VPS37D: variants seen among roughly 807,000 people sequenced by gnomAD.
VPS37D encodes vacuolar protein sorting-associated protein 37D.
A neutral mutation model predicts 22.0 loss-of-function variants in VPS37D; 5 were observed. The ratio of observed to expected loss-of-function variants is 0.23; its 90% CI spans 0.12 to 0.48. VPS37D has a LOEUF of 0.48. VPS37D is among the 20% of genes least tolerant of loss of function. The pLI is 0.99. For missense variants in VPS37D, 384 were observed against 345.8 expected (o/e 1.11, Z -0.88); for synonymous variants, 174 against 159.3 (o/e 1.09, Z -0.69).
rs1797498853 is a variant in VPS37D at position 73,671,104 on chromosome 7, C to T, written c.484C>T (p.Arg162Trp). Residue 162 changes from arginine to tryptophan, a missense_variant, in exon 4 of 4, where the codon CGG (arginine) becomes TGG (tryptophan). Coordinates refer to ENST00000324941, the MANE Select transcript of VPS37D (RefSeq NM_001077621.2). ...QRGRALAHLR[R>W]TQAEKLQELL... ...TGGCCGCGCCCTGGCCCACCTGAGGCGGACGCAGGCAGAGAAGCTGCAGGA... is the reference window on the plus strand; with the variant it reads ...TGGCCGCGCCCTGGCCCACCTGAGGTGGACGCAGGCAGAGAAGCTGCAGGA... 1.9e-6 allele frequency: 3 copies of T among 1,609,800 alleles called. No homozygotes were observed. The highest frequency in any genetic ancestry group is 1.7e-6 in the Non-Finnish European group (2 of 1,179,508).
Position 73,668,110 on chromosome 7 carries a change from C to T in VPS37D, c.138+14C>T, listed in dbSNP as rs782671800. The T allele has an allele frequency of 3.4e-5, 37 of 1,085,516 alleles. No individual in the cohort carries two copies. Among genetic ancestry groups the T allele is most frequent in the Admixed American group, 5.3e-5 (1 of 18,738 alleles). 67.2% of individuals were successfully genotyped at this position (1,085,516 alleles called of 1,614,324 possible). ...CTCAGCAGGAAGGTAGCGCGGGGGG[C>T]TCGAGCGGGGGGCGCGGGGGACGGG... On this transcript the variant is annotated intron_variant, in intron 1 of 3. Transcript: ENST00000324941.
upstream of VPS37D, among the ~76,000 whole-genome samples, chr7:73,667,544 T>C (rs1361643191): frequency 3.9e-5 from 6 of 152,292 alleles, no homozygotes; most frequent in African/African-American, 1.4e-4. Context: ...AAATTTGTTG[T>C]TGCCATCCGA....
chr7:73,670,040 A>G lies in VPS37D; in HGVS notation c.331A>G (p.Ser111Gly), dbSNP rs1554609441. Residue 111 changes from serine (S) to glycine (G), a missense_variant, in exon 3 of 4, where the codon AGT becomes GGT. Physicochemically the swap from Ser to Gly is moderately conservative, Grantham distance 56. Transcript: ENST00000324941. ...QRLEESMHRW[S>G]PHCALGWLQA... ...CTCAGAGGAAAGCATGCATCGCTGG[A>G]GTCCCCACTGCGCGCTGGGCTGGCT... 5 of 1,548,120 alleles carry G rather than the reference A, an allele frequency of 3.2e-6. No individual in the cohort carries two copies. The highest frequency in any genetic ancestry group is 1.7e-6 in the Non-Finnish European group (2 of 1,144,872).
rs555656981 is a variant in VPS37D at position 73,668,719 on chromosome 7, G to C, written c.138+623G>C. Among the ~76,000 whole-genome samples, 3 of 152,190 alleles carry C rather than the reference G, an allele frequency of 2.0e-5. No homozygotes were observed. The East Asian group carries it at 5.8e-4, about 29-fold the overall frequency. On this transcript the variant is annotated intron_variant, in intron 1 of 3. Coordinates refer to ENST00000324941, the MANE Select transcript of VPS37D (RefSeq NM_001077621.2). Reference sequence around the variant, plus strand: ...CATCCCACAAGGGACAGATGGAGGGGAGTGCGTTCTCCAGGGGCAGGGAGG... The same window carrying C: ...CATCCCACAAGGGACAGATGGAGGGCAGTGCGTTCTCCAGGGGCAGGGAGG...
At chr7:73,670,810 G>GA (rs11414202) in intron 3 of VPS37D, among the ~76,000 whole-genome samples, 38,102 of 142,424 alleles carry the variant, frequency 0.27, 5,559 homozygotes, top group South Asian at 0.37. Context: ...TCTGTCTCAG[G>GA]AAAAAAAAAA....
At chr7:73,666,952 T>G (rs1461997058), upstream of VPS37D, among the ~76,000 whole-genome samples, 4 of 150,244 alleles carry the variant, frequency 2.7e-5, no homozygotes, top group African/African-American at 9.7e-5. Context: ...TTAAATACTT[T>G]TAAAAATTGT....
chr7:73,667,918 G>GGGCCGAGCC lies in VPS37D; in HGVS notation c.-40_-32dup. On this transcript the variant is annotated 5_prime_UTR_variant, in exon 1 of 4. Transcript: ENST00000324941. ...GGAGCCGGGGCGGAGCGGGCCGAGC[G>GGGCCGAGCC]GGCCGAGCCAGCAGCCGAGCTGGGG... 5 of 816,234 alleles carry GGGCCGAGCC rather than the reference G, an allele frequency of 6.1e-6. No individual in the cohort carries two copies. Among genetic ancestry groups the GGGCCGAGCC allele is most frequent in the Non-Finnish European group, 7.5e-6 (5 of 669,440 alleles). The allele number at this position is 816,234 out of a possible 1,614,324, so 50.6% of individuals were successfully genotyped here.
upstream of VPS37D, among the ~76,000 whole-genome samples, chr7:73,666,005 C>T (rs1797365408): frequency 6.6e-6 from 1 of 152,152 alleles, no homozygotes; most frequent in Admixed American, 6.6e-5. Context: ...CACGAACCAC[C>T]ACGGCCGGCT....
At position 73,670,997 on chromosome 7, in the gene VPS37D, C is replaced by T. The variant is rs542179866; in HGVS notation, c.394-17C>T. 2.5e-6 allele frequency: 4 copies of T among 1,609,654 alleles called. No individual in the cohort carries two copies. The highest frequency in any genetic ancestry group is 2.2e-5 in the East Asian group (1 of 44,712). On this transcript the variant is annotated splice_polypyrimidine_tract_variant and intron_variant, in intron 3 of 3. Coordinates refer to ENST00000324941, the MANE Select transcript of VPS37D (RefSeq NM_001077621.2). ...TGGTCGTGCCTCTCCCAAGCCTTCC[C>T]TTCCCTCCCGGCCCAGGAGCAGATG... is the stretch of plus-strand genomic sequence containing the variant.
Position 73,667,984 on chromosome 7 carries a change from C to T in VPS37D, c.26C>T (p.Ala9Val), listed in dbSNP as rs1797419681. The change falls in exon 1 of 4, where the codon GCG becomes GTG. Residue 9 changes from alanine (A) to valine (V), a missense_variant. Physicochemically the swap from Ala to Val is moderately conservative, Grantham distance 64 (BLOSUM62 0). Coordinates refer to ENST00000324941, the MANE Select transcript of VPS37D (RefSeq NM_001077621.2). MYRARAAR[A>V]GPEPGSPGRF... Reference sequence around the variant, plus strand: ...ATGTACCGGGCCCGGGCGGCGCGGGCGGGGCCGGAGCCCGGCAGCCCGGGG... The same window carrying T: ...ATGTACCGGGCCCGGGCGGCGCGGGTGGGGCCGGAGCCCGGCAGCCCGGGG... The T allele has an allele frequency of 1.8e-6, 2 of 1,088,002 alleles. No homozygotes were observed. Among genetic ancestry groups the T allele is most frequent in the Non-Finnish European group, 2.2e-6 (2 of 894,644 alleles). 67.4% of individuals were successfully genotyped at this position (1,088,002 alleles called of 1,614,324 possible).
In VPS37D at chr7:73,671,077, C is replaced by A. The variant is rs782677047; in HGVS notation, c.457C>A (p.Arg153Ser). 3 of 1,611,422 alleles carry A rather than the reference C, an allele frequency of 1.9e-6. No homozygotes were observed. The highest frequency in any genetic ancestry group is 2.5e-6 in the Non-Finnish European group (3 of 1,179,702). ...SLEAFLPAFQ[R>S]GRALAHLRRT... is the part of the protein sequence containing the mutation. ...GGAGGCCTTCCTGCCTGCCTTCCAGCGTGGCCGCGCCCTGGCCCACCTGAG... is the reference window on the plus strand; with the variant it reads ...GGAGGCCTTCCTGCCTGCCTTCCAGAGTGGCCGCGCCCTGGCCCACCTGAG... Residue 153 changes from arginine to serine, a missense_variant, in exon 4 of 4, where the codon CGT (arginine) becomes AGT (serine). Transcript: ENST00000324941.
chr7:73,668,300 G>GA (rs1563538869), intron 1 of VPS37D, among the ~76,000 whole-genome samples: 1 of 151,802 alleles, frequency 6.6e-6, no homozygotes, highest in Non-Finnish European at 1.5e-5. Flanking sequence ...CCGGGGACCC[G>GA]AGGGGGGCGC....
At chr7:73,669,989 G>A in intron 2 of VPS37D, 31 bp from the exon 3 acceptor site, 3 of 1,551,508 alleles carry the variant, frequency 1.9e-6, no homozygotes, top group Admixed American at 2.0e-5. Context: ...GCCCTGGCCT[G>A]TCTGTCACTC....
At chr7:73,669,642 T>G (rs1554609350) in intron 2 of VPS37D, 52 bp downstream of exon 2, 1 of 1,529,400 alleles carries the variant, frequency 6.5e-7, no homozygotes, top group East Asian at 2.5e-5. Flanking sequence ...CAGTTGGCCA[T>G]CCGGTGGGTT....
Position 73,671,262 on chromosome 7 carries a change from G to GC in VPS37D, c.648dup (p.Asp218GlyfsTer47). 3 of 1,495,492 alleles carry GC rather than the reference G, an allele frequency of 2.0e-6. No homozygotes were observed. Among genetic ancestry groups the GC allele is most frequent in the East Asian group, 2.5e-5 (1 of 40,278 alleles). 92.6% of individuals were successfully genotyped at this position (1,495,492 alleles called of 1,614,324 possible). A position where few individuals can be genotyped will look rare whatever the true frequency, so the allele number is the denominator to read the frequency against. On this transcript the variant is annotated frameshift_variant, in exon 4 of 4. Coordinates refer to ENST00000324941, the MANE Select transcript of VPS37D (RefSeq NM_001077621.2). LOFTEE classifies it high-confidence loss of function. The stretch of plus-strand genomic sequence containing the variant: ...GGCCACCAGCAGTGCCCCGGAGCCT[G>GC]CCCCCCTTGGACTCCCGCCCAGTGC...
intron 1 of VPS37D, 66 bp from the exon 2 acceptor site, chr7:73,669,353 G>A: frequency 6.8e-7 from 1 of 1,467,848 alleles, no homozygotes. Context: ...CAGTAGGGTG[G>A]ACGGGGCAGT....
Position 73,669,567 on chromosome 7 carries a change from G to A in VPS37D, c.287G>A (p.Cys96Tyr). 6.3e-7 allele frequency: 1 copy of A among 1,591,936 alleles called. No individual in the cohort carries two copies. The highest frequency in any genetic ancestry group is 1.1e-5 in the South Asian group (1 of 87,452). ...GAGCTTCGTGAGGTGGCCGAGAACT[G>A]CGCGGACAAGCTGCAGCGACTGGGT... is the stretch of plus-strand genomic sequence containing the variant. ...YQELREVAEN[C>Y]ADKLQRLEES... The change falls in exon 2 of 4, where the codon TGC (cysteine) becomes TAC (tyrosine). Residue 96 changes from cysteine (C) to tyrosine (Y), a missense_variant. Coordinates refer to ENST00000324941, the MANE Select transcript of VPS37D (RefSeq NM_001077621.2).
upstream of VPS37D, among the ~76,000 whole-genome samples, chr7:73,666,367 C>T (rs976731214): frequency 3.9e-5 from 6 of 152,250 alleles, no homozygotes; most frequent in African/African-American, 1.4e-4. Flanking sequence ...TGAGAAGAAA[C>T]GGGACTGTAT....
intron 1 of VPS37D, 29 bp from the exon 2 acceptor site, chr7:73,669,390 C>T (rs372835386): frequency 6.4e-5 from 98 of 1,525,028 alleles, no homozygotes; most frequent in Non-Finnish European, 8.1e-5. Flanking sequence ...ATCCCCTGAG[C>T]GGGCCTCTTA....
Sources: allele counts gnomAD v4.1 joint callset (sites outside exome capture counted in the v4.1 genomes callset), GRCh38; gene constraint gnomAD v4.1.1; transcripts MANE v1.5; gene names NCBI Gene and HGNC (gene_info 2026-07-23, HGNC 2026-07-21).